UNC5C: variants seen among roughly 807,000 people sequenced by gnomAD.
UNC5C encodes unc-5 netrin receptor C.
In UNC5C, 47 loss-of-function variants were observed where a neutral mutation model predicts 99.8. The observed-to-expected ratio is 0.47, with a 90% CI of 0.37 to 0.60. The LOEUF is 0.60. Ranked by LOEUF, UNC5C falls within the 20% of genes least tolerant of loss-of-function variation. The probability of loss-of-function intolerance (pLI) is 0.00; values close to 1 mark genes in which losing one functional copy is unlikely to be tolerated. For missense variants in UNC5C, 1,062 were observed against 1,165.9 expected, an observed-to-expected ratio of 0.91 and a Z score of 1.30; for synonymous variants, 487 against 452.2, an observed-to-expected ratio of 1.08 and a Z score of -0.98.
At chr4:95,227,950 C>G (rs1298615446) in intron 7 of UNC5C, among the ~76,000 whole-genome samples, 1 of 152,128 alleles carries the variant, frequency 6.6e-6, no homozygotes, top group Admixed American at 6.5e-5. Context: ...ATCATTTAGA[C>G]TAGAGGTGAG....
intron 1 of UNC5C, among the ~76,000 whole-genome samples, chr4:95,523,716 A>G (rs750730669): frequency 3.3e-5 from 5 of 152,228 alleles, no homozygotes; most frequent in Admixed American, 2.6e-4. Context: ...TTGCTGTTAA[A>G]ACCATGTACT....
intron 4 of UNC5C, among the ~76,000 whole-genome samples, chr4:95,252,770 G>A (rs1043595968): frequency 6.6e-6 from 1 of 152,170 alleles, no homozygotes; most frequent in African/African-American, 2.4e-5. Flanking sequence ...AAATGCAGGT[G>A]CGTAACACAC....
intron 7 of UNC5C, among the ~76,000 whole-genome samples, chr4:95,233,269 G>A (rs1738980937): frequency 6.6e-6 from 1 of 152,112 alleles, no homozygotes; most frequent in African/African-American, 2.4e-5. Flanking sequence ...CCAAAGTCAG[G>A]AAGTTCACTG....
At chr4:95,288,063 ATTATTTATTTAT>A (rs373317999) in intron 3 of UNC5C, among the ~76,000 whole-genome samples, 2 of 143,176 alleles carry the variant, frequency 1.4e-5, no homozygotes, top group Non-Finnish European at 3.0e-5. Flanking sequence ...CACTTTACAG[ATTATTTATTTAT>A]TTATTTATTT....
chr4:95,392,159 T>G (rs1197393682), intron 1 of UNC5C, among the ~76,000 whole-genome samples: 1 of 152,156 alleles, frequency 6.6e-6, no homozygotes, highest in African/African-American at 2.4e-5. Flanking sequence ...AAGCTAACCT[T>G]AAAAACTGGG....
At chr4:95,419,381 C>T (rs1436014746) in intron 1 of UNC5C, among the ~76,000 whole-genome samples, 1 of 152,020 alleles carries the variant, frequency 6.6e-6, no homozygotes, top group African/African-American at 2.4e-5. Context: ...TGCCTTTTTG[C>T]CCATGGGTTC....
chr4:95,432,504 A>G (rs1480148143), intron 1 of UNC5C, among the ~76,000 whole-genome samples: 1 of 152,098 alleles, frequency 6.6e-6, no homozygotes, highest in African/African-American at 2.4e-5. Flanking sequence ...GCCTACACCA[A>G]GAAAACCAGT....
At chr4:95,377,949 T>C (rs1423615467) in intron 1 of UNC5C, among the ~76,000 whole-genome samples, 1 of 152,178 alleles carries the variant, frequency 6.6e-6, no homozygotes, top group Admixed American at 6.6e-5. Flanking sequence ...ATACAGCAAG[T>C]AGAGCTCATG....
chr4:95,504,070 G>T (rs1198476434), intron 1 of UNC5C, among the ~76,000 whole-genome samples: 1 of 152,022 alleles, frequency 6.6e-6, no homozygotes, highest in African/African-American at 2.4e-5. Flanking sequence ...GTTTTGTAAT[G>T]CATGATTTTA....
At chr4:95,213,073 A>G (rs1239658869) in intron 10 of UNC5C, among the ~76,000 whole-genome samples, 1 of 152,190 alleles carries the variant, frequency 6.6e-6, no homozygotes, top group Non-Finnish European at 1.5e-5. Flanking sequence ...TTCCTGCGTC[A>G]CTCAGCTGCT....
chr4:95,546,981 A>G (rs1723086709), intron 1 of UNC5C, among the ~76,000 whole-genome samples: 1 of 152,022 alleles, frequency 6.6e-6, no homozygotes, highest in Non-Finnish European at 1.5e-5. Flanking sequence ...ATGCCCAGTA[A>G]CAGCAGGCGA....
chr4:95,185,270 G>GTTTCT, intron 12 of UNC5C, 74 bp from the exon 13 acceptor site: 1 of 1,505,806 alleles, frequency 6.6e-7, no homozygotes, highest in Non-Finnish European at 8.9e-7. Context: ...CATTGAATAA[G>GTTTCT]TTTCTTTACT....
rs1579229156 is a variant in UNC5C, at chr4:95,204,652, T to TG, written c.1903-1689dup. Among the ~76,000 whole-genome samples the TG allele has an allele frequency of 1.0e-4, 16 of 152,388 alleles. No individual in the cohort carries two copies. The South Asian group carries it at 3.3e-3, about 32-fold the overall frequency. ...CCACGCGTGAGCATGAGTCAGTCTC[T>TG]GCACTGTCAGAGACAAGAGTCAGTC... On this transcript the variant is annotated intron_variant, in intron 11 of 15. Coordinates refer to ENST00000453304, the MANE Select transcript of UNC5C (RefSeq NM_003728.4).
rs746183493 is a variant in UNC5C, at chr4:95,162,829, T to C, written c.*6405A>G. ...CATATCGGAAAAGCCAAGGTTGTCA[T>C]GTTTTGTTTAAAAAAGAAAAACGAC... On this transcript the variant is annotated 3_prime_UTR_variant, in exon 16 of 16. Coordinates refer to ENST00000453304, the MANE Select transcript of UNC5C (RefSeq NM_003728.4). 1 of 152,212 alleles carries C rather than the reference T, an allele frequency of 6.6e-6. No individual in the cohort carries two copies. Among genetic ancestry groups the C allele is most frequent in the African/African-American group, 2.4e-5 (1 of 41,452 alleles). 9.4% of individuals were successfully genotyped at this position (152,212 alleles called of 1,614,324 possible).
chr4:95,234,909 CA>C (rs1260638123), intron 7 of UNC5C, among the ~76,000 whole-genome samples: 14 of 152,110 alleles, frequency 9.2e-5, no homozygotes, highest in Non-Finnish European at 1.9e-4. Flanking sequence ...TACACAATAT[CA>C]CATAATGAAT....
intron 1 of UNC5C, among the ~76,000 whole-genome samples, chr4:95,340,275 C>T (rs1262143450): frequency 2.0e-5 from 3 of 152,066 alleles, no homozygotes; most frequent in Non-Finnish European, 4.4e-5. Context: ...ACTATTATTG[C>T]TTATATCATA....
At chr4:95,388,490 G>A (rs932921471) in intron 1 of UNC5C, among the ~76,000 whole-genome samples, 9 of 152,204 alleles carry the variant, frequency 5.9e-5, no homozygotes, top group Middle Eastern at 3.4e-3. Context: ...TAAACAAACC[G>A]GGGATGAGGC....
intron 3 of UNC5C, among the ~76,000 whole-genome samples, chr4:95,294,278 A>C (rs1361942060): frequency 3.3e-5 from 5 of 152,246 alleles, no homozygotes; most frequent in Non-Finnish European, 7.3e-5. Flanking sequence ...ACGAATATGA[A>C]CAAGACTTGA....
At chr4:95,230,940 T>A (rs891297517) in intron 7 of UNC5C, among the ~76,000 whole-genome samples, 2 of 152,032 alleles carry the variant, frequency 1.3e-5, no homozygotes, top group African/African-American at 2.4e-5. Flanking sequence ...ACCTTTTGAG[T>A]ATTAATTAAA....
Sources: gnomAD v4.1 joint callset for allele counts (sites outside exome capture counted in the v4.1 genomes callset) on GRCh38, gnomAD v4.1.1 for gene constraint, MANE v1.5 for transcripts, NCBI Gene and HGNC (gene_info 2026-07-23, HGNC 2026-07-21) for gene names.